Variants in ZBTB7C observed in about 807,000 individuals in gnomAD.
ZBTB7C encodes the protein zinc finger and BTB domain containing 7C, also known as zinc finger and BTB domain-containing protein 7C.
In ZBTB7C, 8 loss-of-function variants were observed where a neutral mutation model predicts 25.7. The observed-to-expected ratio is 0.31, with a 90% confidence interval of 0.18 to 0.56. The LOEUF is 0.56. Among genes scored for constraint, ZBTB7C ranks in the 20% least tolerant of loss-of-function variants. The pLI is 0.91. For missense variants in ZBTB7C, 824 were observed against 855.2 expected (o/e 0.96, Z 0.46); for synonymous variants, 394 against 369.0 (o/e 1.07, Z -0.78).
intron 3 of ZBTB7C, among the ~76,000 whole-genome samples, chr18:48,070,873 C>T (rs895938402): frequency 2.6e-5 from 4 of 152,174 alleles, no homozygotes; most frequent in African/African-American, 7.2e-5. Flanking sequence ...CCTTTCCCCA[C>T]TGAACTGCCC....
chr18:48,297,219 T>G (rs974884183), intron 2 of ZBTB7C, among the ~76,000 whole-genome samples: 1 of 152,234 alleles, frequency 6.6e-6, no homozygotes, highest in Non-Finnish European at 1.5e-5. Context: ...TTATTTTTTA[T>G]TTTACATTGT....
chr18:48,327,285 T>A (rs150933769), intron 2 of ZBTB7C, among the ~76,000 whole-genome samples: 289 of 152,246 alleles, frequency 1.9e-3, no homozygotes, highest in African/African-American at 6.4e-3. Flanking sequence ...CGAATCACCA[T>A]CATCCCAGCT....
intron 2 of ZBTB7C, among the ~76,000 whole-genome samples, chr18:48,263,206 C>A (rs2044220082): frequency 6.6e-6 from 1 of 152,254 alleles, no homozygotes; most frequent in Non-Finnish European, 1.5e-5. Context: ...CTGGCTAAAT[C>A]TACCTGCTCT....
At chr18:48,249,602 T>G (rs1479099922) in intron 2 of ZBTB7C, among the ~76,000 whole-genome samples, 2 of 152,224 alleles carry the variant, frequency 1.3e-5, no homozygotes, top group African/African-American at 4.8e-5. Context: ...GTTAGTAGAA[T>G]TTTATAGGTG....
At chr18:48,147,673 TG>T (rs2040538389) in intron 3 of ZBTB7C, 1 of 151,796 alleles carries the variant, frequency 6.6e-6, no homozygotes, top group South Asian at 2.1e-4. Context: ...TGGAGTGCAG[TG>T]GTGCGATCTC....
intron 2 of ZBTB7C, among the ~76,000 whole-genome samples, chr18:48,337,827 G>A (rs534131410): frequency 6.6e-6 from 1 of 152,290 alleles, no homozygotes; most frequent in Admixed American, 6.5e-5. Flanking sequence ...CCACTGGCAT[G>A]AACTCCCTGT....
At chr18:48,276,345 A>G (rs1026451059) in intron 2 of ZBTB7C, among the ~76,000 whole-genome samples, 18 of 148,716 alleles carry the variant, frequency 1.2e-4, no homozygotes, top group Non-Finnish European at 4.4e-5. Context: ...ACATGTGCAC[A>G]TTGTGCAGGT....
chr18:48,171,496 T>C (rs2041479558), intron 3 of ZBTB7C, among the ~76,000 whole-genome samples: 1 of 152,218 alleles, frequency 6.6e-6, no homozygotes, highest in Non-Finnish European at 1.5e-5. Flanking sequence ...TCAGCAACTA[T>C]GCGGCTGGAA....
chr18:48,254,358 C>A (rs934827897), intron 2 of ZBTB7C, among the ~76,000 whole-genome samples: 1 of 152,224 alleles, frequency 6.6e-6, no homozygotes, highest in Non-Finnish European at 1.5e-5. Context: ...AAGTGGAAAG[C>A]CCATTTGCAT....
At chr18:48,224,180 A>G (rs1225129087) in intron 2 of ZBTB7C, among the ~76,000 whole-genome samples, 1 of 152,212 alleles carries the variant, frequency 6.6e-6, no homozygotes, top group African/African-American at 2.4e-5. Context: ...TAGCAGCTGA[A>G]CCCAATTTCT....
intron 3 of ZBTB7C, among the ~76,000 whole-genome samples, chr18:48,061,895 T>C (rs2037141149): frequency 6.6e-6 from 1 of 152,140 alleles, no homozygotes; most frequent in African/African-American, 2.4e-5. Flanking sequence ...TCAGTATCAC[T>C]TCTACTGTCG....
rs2042137726 is a variant in ZBTB7C at position 48,189,327 on chromosome 18, T to TCCCC, written c.-78-3333_-78-3332insGGGG. On this transcript the variant is annotated intron_variant, in intron 2 of 4. Transcript: ENST00000590800. ...AGCTAACAGCTTCTCCAAGTGAGAG[T>TCCCC]GAATAAATAGCATGGGTAATTTTTT... Among the ~76,000 whole-genome samples, 3 of 152,234 alleles carry TCCCC rather than the reference T, an allele frequency of 2.0e-5. No individual in the cohort carries two copies. The South Asian group carries it at 6.2e-4, about 32-fold the overall frequency.
At chr18:48,097,341 A>G (rs2038670319) in intron 3 of ZBTB7C, among the ~76,000 whole-genome samples, 2 of 151,990 alleles carry the variant, frequency 1.3e-5, no homozygotes, top group South Asian at 4.2e-4. Context: ...ATGAGAGAGC[A>G]TATGGTCCCA....
At chr18:48,103,123 TC>T (rs1477246388) in intron 3 of ZBTB7C, among the ~76,000 whole-genome samples, 9 of 105,844 alleles carry the variant, frequency 8.5e-5, no homozygotes, top group Non-Finnish European at 2.1e-4. Context: ...TATCTATCTA[TC>T]TATCTATCTA....
At chr18:48,351,647 T>C (rs1044187433) in intron 1 of ZBTB7C, among the ~76,000 whole-genome samples, 5 of 152,214 alleles carry the variant, frequency 3.3e-5, no homozygotes, top group South Asian at 2.1e-4. Context: ...TTGCTTCAAC[T>C]TGAAGGAGCC....
intron 3 of ZBTB7C, chr18:48,180,443 T>A: frequency 2.3e-6 from 1 of 435,228 alleles, no homozygotes; most frequent in Non-Finnish European, 4.6e-6. Context: ...GACAAGGGTC[T>A]GGAGACAGAA....
chr18:48,298,684 G>A (rs908413778), intron 2 of ZBTB7C, among the ~76,000 whole-genome samples: 1 of 152,160 alleles, frequency 6.6e-6, no homozygotes, highest in African/African-American at 2.4e-5. Flanking sequence ...GGCTCAGGGT[G>A]CCCAGCAGGC....
chr18:48,041,404 G>A, intron 3 of ZBTB7C: 1 of 985,454 alleles, frequency 1.0e-6, no homozygotes, highest in South Asian at 4.7e-5. Context: ...CTCAGGCTTG[G>A]TGTTACTGAT....
rs572939928 is a variant in ZBTB7C, at chr18:48,091,104, C to T, written c.-16-49981G>A. Among the ~76,000 whole-genome samples, 307 of 151,464 alleles carry T rather than the reference C, an allele frequency of 2.0e-3. 1 individual carries two copies. Among genetic ancestry groups the T allele is most frequent in the Middle Eastern group, 0.014 (4 of 294 alleles). On this transcript the variant is annotated intron_variant, in intron 3 of 4. Transcript: ENST00000590800. ...TTTTTTTTTTTAAAAGACAGGGTCT[C>T]GCTCTGTCACCCAGGCTGGAGTACA...
Sources: gnomAD v4.1 joint callset for allele counts (sites outside exome capture counted in the v4.1 genomes callset) on GRCh38, gnomAD v4.1.1 for gene constraint, MANE v1.5 for transcripts, NCBI Gene and HGNC (gene_info 2026-07-23, HGNC 2026-07-21) for gene names.